Variants in FCHSD2 observed in about 807,000 individuals in gnomAD.
The protein encoded by FCHSD2 is F-BAR and double SH3 domains protein 2.
A neutral mutation model predicts 108.1 loss-of-function variants in FCHSD2; 38 were observed. The observed-to-expected ratio is 0.35, with a 90% CI of 0.27 to 0.46. The LOEUF (loss-of-function observed/expected upper bound fraction) is 0.46. Ranked by LOEUF, FCHSD2 falls within the 20% of genes least tolerant of loss-of-function variation. FCHSD2 has a pLI of 1.00. For missense variants in FCHSD2, 751 were observed against 897.8 expected, an observed-to-expected ratio of 0.84 and a Z score of 2.09; for synonymous variants, 279 against 314.7, an observed-to-expected ratio of 0.89 and a Z score of 1.20.
rs35708688 is a variant in FCHSD2, at chr11:72,846,181, C to CTTTTTT, written c.1444-2655_1444-2650dup. On this transcript the variant is annotated intron_variant, in intron 14 of 19. Coordinates refer to ENST00000409418, the MANE Select transcript of FCHSD2 (RefSeq NM_014824.3). ...TGAGTAAGCTGCTCCTCCTTTTGCT[C>CTTTTTT]TTTTTTTTTTTTTTTTTGAGACGGA... Among the ~76,000 whole-genome samples, 5 of 137,120 alleles carry CTTTTTT rather than the reference C, an allele frequency of 3.6e-5. 1 individual carries two copies. Among genetic ancestry groups the CTTTTTT allele is most frequent in the Non-Finnish European group, 3.2e-5 (2 of 63,368 alleles). The allele number at this position is 137,120 out of a possible 152,430, so 90.0% of individuals were successfully genotyped here. A position where few individuals can be genotyped will look rare whatever the true frequency, so the allele number is the denominator to read the frequency against.
chr11:73,118,135 A>G (rs1362125967), intron 2 of FCHSD2, among the ~76,000 whole-genome samples: 1 of 152,156 alleles, frequency 6.6e-6, no homozygotes, highest in Admixed American at 6.5e-5. Context: ...CCTGGCCAAC[A>G]TGGTAACACC....
intron 2 of FCHSD2, among the ~76,000 whole-genome samples, chr11:73,125,370 TG>T (rs1163399145): frequency 6.6e-6 from 1 of 152,204 alleles, no homozygotes; most frequent in African/African-American, 2.4e-5. Flanking sequence ...GTATGTGGAA[TG>T]GTACAATATT....
intron 9 of FCHSD2, among the ~76,000 whole-genome samples, chr11:72,916,540 C>G (rs1855878075): frequency 6.6e-6 from 1 of 152,152 alleles, no homozygotes; most frequent in African/African-American, 2.4e-5. Context: ...CTCTTGAACT[C>G]CTCAGCTCAA....
At chr11:73,018,371 C>T (rs941153774) in intron 3 of FCHSD2, among the ~76,000 whole-genome samples, 2 of 152,150 alleles carry the variant, frequency 1.3e-5, no homozygotes, top group Non-Finnish European at 2.9e-5. Context: ...TTTTCTAAAA[C>T]GCCTTTTCTA....
At chr11:73,086,081 G>A (rs1859807979) in intron 2 of FCHSD2, among the ~76,000 whole-genome samples, 1 of 152,184 alleles carries the variant, frequency 6.6e-6, no homozygotes, top group African/African-American at 2.4e-5. Flanking sequence ...CAGTGCTACG[G>A]GGGAAATTTA....
chr11:72,961,605 G>C (rs959830420), intron 8 of FCHSD2, among the ~76,000 whole-genome samples: 1 of 152,120 alleles, frequency 6.6e-6, no homozygotes, highest in Non-Finnish European at 1.5e-5. Context: ...ATACTTTTGA[G>C]AAATGAATCT....
At chr11:73,029,680 G>A (rs923647628) in intron 3 of FCHSD2, among the ~76,000 whole-genome samples, 1 of 152,176 alleles carries the variant, frequency 6.6e-6, no homozygotes, top group East Asian at 1.9e-4. Flanking sequence ...CCCTTAGGCT[G>A]AAGTGACTTC....
At chr11:73,052,820 C>T (rs1565386715) in intron 3 of FCHSD2, among the ~76,000 whole-genome samples, 1 of 152,100 alleles carries the variant, frequency 6.6e-6, no homozygotes, top group South Asian at 2.1e-4. Flanking sequence ...TCAGTTTCTA[C>T]AGATATTTAG....
In FCHSD2 at chr11:72,882,754, G is replaced by A. The variant is rs982468722; in HGVS notation, c.1146+4716C>T. On this transcript the variant is annotated intron_variant, in intron 12 of 19. Transcript: ENST00000409418. ...GACACATCATGTTCATGAATTAGAA[G>A]ACTCAATATTGTTGAGAAGTCAATT... Among the ~76,000 whole-genome samples the A allele has an allele frequency of 3.3e-4, 50 of 152,166 alleles. 1 individual carries two copies. Among genetic ancestry groups the A allele is most frequent in the Admixed American group, 3.3e-4 (5 of 15,274 alleles).
intron 9 of FCHSD2, among the ~76,000 whole-genome samples, chr11:72,909,409 C>T (rs1433221806): frequency 2.0e-5 from 3 of 152,214 alleles, no homozygotes; most frequent in African/African-American, 4.8e-5. Context: ...CAGCTGCCTG[C>T]CTTGGCCTCC....
chr11:72,961,233 C>G (rs1305728013), intron 8 of FCHSD2, among the ~76,000 whole-genome samples: 1 of 151,846 alleles, frequency 6.6e-6, no homozygotes, highest in African/African-American at 2.4e-5. Context: ...GTATTTAGTA[C>G]TTTTTGTTTG....
intron 6 of FCHSD2, among the ~76,000 whole-genome samples, chr11:72,985,440 G>C (rs1051562392): frequency 6.8e-6 from 1 of 147,860 alleles, no homozygotes; most frequent in East Asian, 2.0e-4. Flanking sequence ...TCAAATTATA[G>C]ACTATTCTCA....
chr11:72,911,130 A>G (rs991132326), intron 9 of FCHSD2, among the ~76,000 whole-genome samples: 4 of 152,124 alleles, frequency 2.6e-5, no homozygotes, highest in Admixed American at 1.3e-4. Flanking sequence ...GAGGTCTTAG[A>G]TTTAAGTCTT....
intron 2 of FCHSD2, among the ~76,000 whole-genome samples, chr11:73,117,891 A>G (rs1380006568): frequency 6.6e-6 from 1 of 152,226 alleles, no homozygotes; most frequent in Non-Finnish European, 1.5e-5. Flanking sequence ...CAGCATGCTT[A>G]GTGTTAACCA....
chr11:72,887,316 G>A (rs1361240280), intron 12 of FCHSD2, among the ~76,000 whole-genome samples, 154 bp downstream of exon 12: 1 of 152,108 alleles, frequency 6.6e-6, no homozygotes, highest in African/African-American at 2.4e-5. Flanking sequence ...CTTCCACAGA[G>A]CAGGTACTCA....
At chr11:72,845,948 G>A (rs1861121769) in intron 14 of FCHSD2, among the ~76,000 whole-genome samples, 1 of 152,086 alleles carries the variant, frequency 6.6e-6, no homozygotes, top group Non-Finnish European at 1.5e-5. Context: ...GCCTAGAAAA[G>A]CCCACAGCAC....
chr11:72,892,139 T>C (rs1198392720), intron 10 of FCHSD2, among the ~76,000 whole-genome samples: 1 of 152,208 alleles, frequency 6.6e-6, no homozygotes, highest in East Asian at 1.9e-4. Context: ...CTGAGCAGCA[T>C]TTTAGGAATA....
chr11:73,079,762 G>A (rs552829078), intron 3 of FCHSD2, among the ~76,000 whole-genome samples: 24 of 152,138 alleles, frequency 1.6e-4, no homozygotes, highest in Non-Finnish European at 3.1e-4. Context: ...AGAGTAAGAA[G>A]AACTCAGAAG....
intron 3 of FCHSD2, among the ~76,000 whole-genome samples, chr11:73,072,379 T>G (rs1859457722): frequency 6.6e-6 from 1 of 152,018 alleles, no homozygotes; most frequent in African/African-American, 2.4e-5. Context: ...TAGCCACCAT[T>G]TCTTTAATGA....
Sources: gnomAD v4.1 joint callset for allele counts (sites outside exome capture counted in the v4.1 genomes callset) on GRCh38, gnomAD v4.1.1 for gene constraint, MANE v1.5 for transcripts, NCBI Gene and HGNC (gene_info 2026-07-23, HGNC 2026-07-21) for gene names.